Variants in KIF21B observed in about 807,000 individuals in gnomAD.
The protein encoded by KIF21B is kinesin family member 21B.
Under a neutral mutation model 192.9 loss-of-function variants are expected in KIF21B, and 85 were observed. That is an observed-to-expected ratio of 0.44 (90% CI 0.37 to 0.53). The LOEUF (loss-of-function observed/expected upper bound fraction) is 0.53. Ranked by LOEUF, KIF21B falls within the 20% of genes least tolerant of loss-of-function variation. The pLI, the probability that KIF21B is intolerant of heterozygous loss-of-function variation, is 0.00. For synonymous variants in KIF21B, 832 were observed against 884.6 expected, an observed-to-expected ratio of 0.94 and a Z score of 1.05; for missense variants, 1,716 against 2,194.8, an observed-to-expected ratio of 0.78 and a Z score of 4.36.
In KIF21B at chr1:200,999,913, G is replaced by A. The variant is rs1383736492; in HGVS notation, c.1737C>T (p.Ser579=). The A allele has an allele frequency of 3.1e-6, 5 of 1,613,786 alleles. No individual in the cohort carries two copies. The African/African-American group carries it at 5.3e-5, about 17-fold the overall frequency. The change falls in exon 12 of 35, where the codon AGC becomes AGT. Residue 579 remains serine (S), a synonymous_variant. Coordinates refer to ENST00000461742, the MANE Select transcript of KIF21B (RefSeq NM_001252102.2). The surrounding 1 kb of genome is among the most constrained non-coding windows in gnomAD (Gnocchi z 4.7). ...KKRAKLQQEN[S]EETDENEAEE... ...CCGCCTCGTTCTCATCCGTCTCCTC[G>A]CTGTTCTCCTGTTGGAGTTTTGCCC...
In KIF21B at chr1:201,004,391, T is replaced by A. The variant is rs1482276187; in HGVS notation, c.965A>T (p.Tyr322Phe). 6.3e-7 allele frequency: 1 copy of A among 1,581,554 alleles called. No homozygotes were observed. Among genetic ancestry groups the A allele is most frequent in the Non-Finnish European group, 8.6e-7 (1 of 1,163,054 alleles). ...DQSKKVVHVP[Y>F]RDSKLTRLLQ... is the part of the protein sequence containing the mutation. ...GAGCCGAGTGAGCTTGGAGTCCCTG[T>A]AGGGAACGTGCACCACCTTCTTGCT... Residue 322 changes from tyrosine to phenylalanine, a missense_variant, in exon 7 of 35, where the codon TAC becomes TTC. Transcript: ENST00000461742.
chr1:200,990,185 C>T lies in KIF21B; in HGVS notation c.2983G>A (p.Gly995Ser), dbSNP rs973528778. The stretch of plus-strand genomic sequence containing the variant: ...ATGGTGGCCTGGCAGTCGGTGATGC[C>T]GTCATTGATGTAGTCAATGTTGGCT... ...LAANIDYIND[G>S]ITDCQATIVQ... Residue 995 changes from glycine (G) to serine (S), a missense_variant, in exon 20 of 35, where the codon GGC (glycine) becomes AGC (serine). Transcript: ENST00000461742. This position sits in a 1 kb window ranked among gnomAD's most constrained non-coding sequence, Gnocchi z 5.4. The T allele has an allele frequency of 9.9e-6, 16 of 1,613,930 alleles. No homozygotes were observed. Among genetic ancestry groups the T allele is most frequent in the East Asian group, 2.2e-5 (1 of 44,900 alleles).
intron 26 of KIF21B, 21 bp downstream of exon 26, chr1:200,986,823 G>C: frequency 6.3e-7 from 1 of 1,599,472 alleles, no homozygotes; most frequent in East Asian, 2.2e-5. Flanking sequence ...CTCTGGAGCA[G>C]ATTCTAGAAC....
rs200524980 is a variant in KIF21B at position 200,999,982 on chromosome 1, G to A, written c.1686-18C>T. On this transcript the variant is annotated intron_variant, in intron 11 of 34. Coordinates refer to ENST00000461742, the MANE Select transcript of KIF21B (RefSeq NM_001252102.2). The surrounding 1 kb of genome is among the most constrained non-coding windows in gnomAD (Gnocchi z 4.7). ...TCTCGGGGCTGCTCAGGGAGGACAG[G>A]GAAGCTGGATTAGGAAGGCTGCCCC... 6.0e-4 allele frequency: 971 copies of A among 1,612,554 alleles called. 2 individuals carry two copies. Among genetic ancestry groups the A allele is most frequent in the Middle Eastern group, 2.1e-3 (13 of 6,062 alleles).
intron 27 of KIF21B, 68 bp from the exon 28 acceptor site, chr1:200,983,162 G>A (rs1057310158): frequency 8.7e-6 from 12 of 1,381,648 alleles, no homozygotes; most frequent in Middle Eastern, 2.0e-4. Context: ...ACGCAGAGGC[G>A]GCAGCAGTGT....
rs1571923806 is a variant in KIF21B, at chr1:200,986,741, A to G, written c.3689+103T>C. On this transcript the variant is annotated intron_variant, in intron 26 of 34. Transcript: ENST00000461742. Reference sequence around the variant, plus strand: ...GCTCAGTCAAGCTGGCCCAGGTTACACTGTGTACAAGATGATCAACAGAGC... The same window carrying G: ...GCTCAGTCAAGCTGGCCCAGGTTACGCTGTGTACAAGATGATCAACAGAGC... 8.7e-6 allele frequency: 9 copies of G among 1,039,904 alleles called. No individual in the cohort carries two copies. In the African/African-American group the frequency reaches 1.1e-4, roughly 13 times the overall value. The allele number at this position is 1,039,904 out of a possible 1,614,324, so 64.4% of individuals were successfully genotyped here.
In KIF21B at chr1:200,981,056, T is replaced by C. The variant is rs753318546; in HGVS notation, c.3883A>G (p.Thr1295Ala). The change falls in exon 29 of 35, where the codon ACG becomes GCG. Residue 1295 changes from threonine to alanine, a missense_variant. Transcript: ENST00000461742. ...ATGGAGACACACTGCAGTGGGGCCG[T>C]CCGTGCACCCTTGGCTCCTCCAACC... is the stretch of plus-strand genomic sequence containing the variant. ...SPVGGAKGAR[T>A]APLQCVSMAE... 1 of 1,607,758 alleles carries C rather than the reference T, an allele frequency of 6.2e-7. No individual in the cohort carries two copies. Among genetic ancestry groups the C allele is most frequent in the Non-Finnish European group, 8.5e-7 (1 of 1,177,742 alleles).
At chr1:201,022,412 A>G (rs1322522324) in intron 1 of KIF21B, among the ~76,000 whole-genome samples, 2 of 152,216 alleles carry the variant, frequency 1.3e-5, no homozygotes, top group Non-Finnish European at 2.9e-5. Flanking sequence ...TCTGCCGCCA[A>G]GACACCCCTC....
At chr1:201,020,903 C>T (rs540128509) in intron 1 of KIF21B, among the ~76,000 whole-genome samples, 2 of 152,094 alleles carry the variant, frequency 1.3e-5, no homozygotes, top group East Asian at 1.9e-4. Context: ...ACTCCAGGCT[C>T]GCTATGTTAT....
chr1:200,998,652 A>C lies in KIF21B; in HGVS notation c.1886-77T>G, dbSNP rs972594612. On this transcript the variant is annotated intron_variant, in intron 13 of 34. Transcript: ENST00000461742. This position sits in a 1 kb window ranked among gnomAD's most constrained non-coding sequence, Gnocchi z 4.3. The stretch of plus-strand genomic sequence containing the variant: ...GGGAGCAGATGTGCCAGTGCTGGGG[A>C]GCTGGGACCCTCCTTTGGTCAGCCA... 2.4e-4 allele frequency: 329 copies of C among 1,350,294 alleles called. 1 individual carries two copies. The highest frequency in any genetic ancestry group is 1.5e-3 in the East Asian group (66 of 43,124). The allele number at this position is 1,350,294 out of a possible 1,614,324, so 83.6% of individuals were successfully genotyped here.
chr1:200,988,635 A>C (rs1656464409), intron 22 of KIF21B, 91 bp from the exon 23 acceptor site: 1 of 1,459,286 alleles, frequency 6.9e-7, no homozygotes, highest in Non-Finnish European at 9.3e-7. Flanking sequence ...TATCTCACCC[A>C]CTGGAATCAG....
intron 3 of KIF21B, among the ~76,000 whole-genome samples, chr1:201,008,472 T>G (rs543241868): frequency 5.9e-5 from 9 of 152,110 alleles, no homozygotes; most frequent in Non-Finnish European, 1.3e-4. Flanking sequence ...CTCAGTGTGG[T>G]AAATGACTAG....
At position 200,971,016 on chromosome 1, in the gene KIF21B, G is replaced by C. The variant is rs893324726; in HGVS notation, c.*2505C>G. The C allele has an allele frequency of 6.5e-6, 1 of 152,882 alleles. No individual in the cohort carries two copies. The highest frequency in any genetic ancestry group is 1.5e-5 in the Non-Finnish European group (1 of 68,138). 9.5% of individuals were successfully genotyped at this position (152,882 alleles called of 1,614,324 possible). The stretch of plus-strand genomic sequence containing the variant: ...ACTTTGGACAGAGCCAACGTGGGGG[G>C]ATCCTCCCGGGCCTGGGCCTGTCAA... On this transcript the variant is annotated 3_prime_UTR_variant, in exon 35 of 35. Transcript: ENST00000461742.
intron 30 of KIF21B, 45 bp from the exon 31 acceptor site, chr1:200,977,421 G>T (rs746305027): frequency 1.3e-6 from 2 of 1,597,920 alleles, no homozygotes; most frequent in South Asian, 2.2e-5. Context: ...AACAATCCAT[G>T]TGCACAGTGC....
intron 34 of KIF21B, chr1:200,973,948 T>C: frequency 6.5e-7 from 1 of 1,534,054 alleles, no homozygotes; most frequent in East Asian, 2.4e-5. Context: ...GGCACCTCTC[T>C]AGGCCAGGCA....
In KIF21B at chr1:200,982,928, A is replaced by G; in HGVS notation, c.3842+128T>C. 1 of 801,622 alleles carries G rather than the reference A, an allele frequency of 1.2e-6. No homozygotes were observed. Among genetic ancestry groups the G allele is most frequent in the East Asian group, 2.7e-5 (1 of 37,398 alleles). 49.7% of individuals were successfully genotyped at this position (801,622 alleles called of 1,614,324 possible). A position where few individuals can be genotyped will look rare whatever the true frequency, so the allele number is the denominator to read the frequency against. On this transcript the variant is annotated intron_variant, in intron 28 of 34. Coordinates refer to ENST00000461742, the MANE Select transcript of KIF21B (RefSeq NM_001252102.2). The surrounding 1 kb of genome is among the most constrained non-coding windows in gnomAD (Gnocchi z 4.7). ...CAGGTCTGGAGAGGGGGGCAGCAGG[A>G]AGGGGAGTGGAGGGGCCGCATGCTG...
rs536860180 is a variant in KIF21B at position 200,970,385 on chromosome 1, C to T, written c.*3136G>A. The T allele has an allele frequency of 6.5e-6, 1 of 152,902 alleles. No homozygotes were observed. The highest frequency in any genetic ancestry group is 1.5e-5 in the Non-Finnish European group (1 of 68,104). 9.5% of individuals were successfully genotyped at this position (152,902 alleles called of 1,614,324 possible). A position where few individuals can be genotyped will look rare whatever the true frequency, so the allele number is the denominator to read the frequency against. On this transcript the variant is annotated 3_prime_UTR_variant, in exon 35 of 35. Transcript: ENST00000461742. Reference sequence around the variant, plus strand: ...AATCCAGGGTGAGGCCACTCCCAGACCCACCGCTGTCCCTTCCCAAGGGGC... The same window carrying T: ...AATCCAGGGTGAGGCCACTCCCAGATCCACCGCTGTCCCTTCCCAAGGGGC...
At position 201,008,593 on chromosome 1, in the gene KIF21B, C is replaced by T. The variant is rs151330124; in HGVS notation, c.447+176G>A. Among the ~76,000 whole-genome samples, 1,302 of 152,274 alleles carry T rather than the reference C, an allele frequency of 8.6e-3. 77 individuals are homozygous for T. Among genetic ancestry groups the T allele is most frequent in the Admixed American group, 0.079 (1,215 of 15,304 alleles). Reference sequence around the variant, plus strand: ...TGATGCAGGAACCCCTTTTGAGTGTCCCACCAAGTAGTCCTCCAGCCCTTG... The same window carrying T: ...TGATGCAGGAACCCCTTTTGAGTGTTCCACCAAGTAGTCCTCCAGCCCTTG... On this transcript the variant is annotated intron_variant, in intron 3 of 34. Coordinates refer to ENST00000461742, the MANE Select transcript of KIF21B (RefSeq NM_001252102.2).
chr1:200,992,311 G>C lies in KIF21B; in HGVS notation c.2356C>G (p.Gln786Glu). Residue 786 changes from glutamine (Q) to glutamate (E), a missense_variant, in exon 16 of 35, where the codon CAG becomes GAG. This residue lies in a region of KIF21B where 1,087 missense variants were observed against 1,316.6 expected (regional missense o/e 0.83). Transcript: ENST00000461742. The part of the protein sequence containing the change: ...VETKRNREIA[Q>E]LKKEQRRQEF... ...TGTCGCCGCTGCTCCTTCTTGAGCT[G>C]TGCGATCTCCCGGTTCCTCTTGGTC... 6.2e-7 allele frequency: 1 copy of C among 1,612,804 alleles called. No homozygotes were observed. The highest frequency in any genetic ancestry group is 8.5e-7 in the Non-Finnish European group (1 of 1,180,040).
Sources: gnomAD v4.1 joint callset for allele counts (sites outside exome capture counted in the v4.1 genomes callset) on GRCh38, gnomAD v4.1.1 for gene constraint, gnomAD v4.1.1 regional missense constraint, Gnocchi (gnomAD v3.1) non-coding constraint, MANE v1.5 for transcripts, NCBI Gene and HGNC (gene_info 2026-07-23, HGNC 2026-07-21) for gene names.